Variants in CNTNAP2 observed in about 807,000 individuals in gnomAD.
The protein encoded by CNTNAP2 is contactin associated protein 2.
In CNTNAP2, 98 loss-of-function variants were observed where a neutral mutation model predicts 155.2. The ratio of observed to expected loss-of-function variants is 0.63; its 90% CI spans 0.54 to 0.75. The LOEUF (loss-of-function observed/expected upper bound fraction) is 0.75. Among genes scored for constraint, CNTNAP2 ranks in the 30% least tolerant of loss-of-function variants. CNTNAP2 has a pLI of 0.00. For missense variants in CNTNAP2, 1,727 were observed against 1,688.1 expected, an observed-to-expected ratio of 1.02 and a Z score of -0.40; for synonymous variants, 651 against 631.2, an observed-to-expected ratio of 1.03 and a Z score of -0.47.
chr7:147,451,852 T>C (rs1205541505), intron 10 of CNTNAP2, among the ~76,000 whole-genome samples: 1 of 152,138 alleles, frequency 6.6e-6, no homozygotes, highest in Non-Finnish European at 1.5e-5. Context: ...ACTGGGTCAT[T>C]AGAGCTCCAC....
At chr7:147,997,253 A>C (rs1801819474) in intron 15 of CNTNAP2, among the ~76,000 whole-genome samples, 1 of 152,214 alleles carries the variant, frequency 6.6e-6, no homozygotes, top group South Asian at 2.1e-4. Context: ...TTGTCTTCTT[A>C]GTTTAAAAGA....
intron 1 of CNTNAP2, among the ~76,000 whole-genome samples, chr7:146,486,646 T>G (rs898116791): frequency 9.2e-5 from 14 of 151,952 alleles, no homozygotes; most frequent in Non-Finnish European, 2.1e-4. Flanking sequence ...AAAATCAGAG[T>G]GCCCATGGAA....
intron 8 of CNTNAP2, among the ~76,000 whole-genome samples, chr7:147,268,973 C>A (rs1377148170): frequency 1.3e-5 from 2 of 152,120 alleles, no homozygotes; most frequent in African/African-American, 2.4e-5. Context: ...AAACCCATAA[C>A]AAATATTTGG....
At chr7:146,654,326 T>G (rs1799961748) in intron 1 of CNTNAP2, among the ~76,000 whole-genome samples, 1 of 151,936 alleles carries the variant, frequency 6.6e-6, no homozygotes, top group African/African-American at 2.4e-5. Flanking sequence ...GTAGGTCACC[T>G]GTGTTTACAC....
At chr7:147,305,665 T>A (rs937086664) in intron 9 of CNTNAP2, among the ~76,000 whole-genome samples, 2 of 152,322 alleles carry the variant, frequency 1.3e-5, no homozygotes, top group East Asian at 1.9e-4. Context: ...AGTTAGACAA[T>A]GTGTCATTTC....
rs190309184 is a variant in CNTNAP2, at chr7:148,409,323, T to C, written c.3716-68T>C. ...AGTGTTGAAGAGTTGCATGAAGAAATAGGTATCAAATTATTTGGGATCAAT... is the reference window on the plus strand; with the variant it reads ...AGTGTTGAAGAGTTGCATGAAGAAACAGGTATCAAATTATTTGGGATCAAT... On this transcript the variant is annotated intron_variant, in intron 22 of 23. Coordinates refer to ENST00000361727, the MANE Select transcript of CNTNAP2 (RefSeq NM_014141.6). 103 of 1,202,418 alleles carry C rather than the reference T, an allele frequency of 8.6e-5. No individual in the cohort carries two copies. In the African/African-American group the frequency reaches 1.4e-3, roughly 16 times the overall value. The allele number at this position is 1,202,418 out of a possible 1,614,324, so 74.5% of individuals were successfully genotyped here. A position where few individuals can be genotyped will look rare whatever the true frequency, so the allele number is the denominator to read the frequency against.
intron 15 of CNTNAP2, among the ~76,000 whole-genome samples, chr7:148,062,239 G>A (rs1025590293): frequency 2.0e-5 from 3 of 151,746 alleles, no homozygotes; most frequent in Non-Finnish European, 4.4e-5. Flanking sequence ...AATAATTAAA[G>A]GAAAAACCGG....
intron 1 of CNTNAP2, among the ~76,000 whole-genome samples, chr7:146,328,917 T>G (rs183169722): frequency 6.6e-6 from 1 of 152,230 alleles, no homozygotes; most frequent in Non-Finnish European, 1.5e-5. Context: ...CCACATTTTC[T>G]TTACCAATTT....
intron 14 of CNTNAP2, among the ~76,000 whole-genome samples, chr7:147,933,290 T>A (rs1013661249): frequency 2.6e-5 from 4 of 152,106 alleles, no homozygotes; most frequent in Non-Finnish European, 5.9e-5. Flanking sequence ...AAAGTAGAGT[T>A]GCCATATGAT....
intron 1 of CNTNAP2, among the ~76,000 whole-genome samples, chr7:146,617,297 A>C (rs1459064913): frequency 1.3e-5 from 2 of 152,244 alleles, no homozygotes; most frequent in African/African-American, 2.4e-5. Context: ...CCTTTGGTTC[A>C]TGAATAGACT....
intron 11 of CNTNAP2, among the ~76,000 whole-genome samples, chr7:147,493,512 A>G (rs1254442944): frequency 6.6e-6 from 1 of 152,182 alleles, no homozygotes; most frequent in African/African-American, 2.4e-5. Context: ...ATTCATCAAT[A>G]TATTGAGAGC....
chr7:148,120,209 G>A (rs1165902469), intron 16 of CNTNAP2, among the ~76,000 whole-genome samples: 5 of 147,496 alleles, frequency 3.4e-5, no homozygotes, highest in Non-Finnish European at 7.4e-5. Flanking sequence ...ACTAGATAGA[G>A]GGAGAGCAGG....
intron 8 of CNTNAP2, among the ~76,000 whole-genome samples, chr7:147,218,819 G>A (rs543592023): frequency 6.6e-6 from 1 of 152,046 alleles, no homozygotes; most frequent in East Asian, 1.9e-4. Context: ...CTGATAGAGG[G>A]GTGTTAAAGT....
chr7:147,702,652 G>A (rs191900256), intron 13 of CNTNAP2, among the ~76,000 whole-genome samples: 1 of 151,918 alleles, frequency 6.6e-6, no homozygotes, highest in Non-Finnish European at 1.5e-5. Context: ...ACTTCCGGAG[G>A]CTTGCAGATG....
chr7:146,555,473 A>T (rs1389831593), intron 1 of CNTNAP2, among the ~76,000 whole-genome samples: 1 of 150,400 alleles, frequency 6.6e-6, no homozygotes, highest in Non-Finnish European at 1.5e-5. Context: ...ATCTATATGT[A>T]ATCTACTCTG....
At chr7:146,677,711 G>A (rs1022416448) in intron 1 of CNTNAP2, among the ~76,000 whole-genome samples, 1 of 151,090 alleles carries the variant, frequency 6.6e-6, no homozygotes, top group South Asian at 2.1e-4. Flanking sequence ...TTAGGAGAAA[G>A]AGGCAGTTCC....
chr7:146,420,732 G>T (rs1160791138), intron 1 of CNTNAP2, among the ~76,000 whole-genome samples: 1 of 152,006 alleles, frequency 6.6e-6, no homozygotes, highest in African/African-American at 2.4e-5. Context: ...GGCTTGAAAA[G>T]TATGTAATGT....
At chr7:147,952,950 G>T (rs57846245) in intron 14 of CNTNAP2, among the ~76,000 whole-genome samples, 2,174 of 152,190 alleles carry the variant, frequency 0.014, 59 homozygotes, top group African/African-American at 0.049. Flanking sequence ...CCTGAGAAAC[G>T]TAGAGATTTA....
At chr7:147,627,207 C>T (rs9886338) in intron 12 of CNTNAP2, among the ~76,000 whole-genome samples, 13,652 of 152,092 alleles carry the variant, frequency 0.09, 1,685 homozygotes, top group African/African-American at 0.26. Flanking sequence ...AAATAATCTA[C>T]GCAAACGAGA....
Sources: allele counts gnomAD v4.1 joint callset (sites outside exome capture counted in the v4.1 genomes callset), GRCh38; gene constraint gnomAD v4.1.1; transcripts MANE v1.5; gene names NCBI Gene and HGNC (gene_info 2026-07-23, HGNC 2026-07-21).